PLPP1: variants seen among roughly 807,000 people sequenced by gnomAD.
PLPP1 encodes lipid phosphate phosphohydrolase 1a.
Under a neutral mutation model 31.2 loss-of-function variants are expected in PLPP1, and 24 were observed. The observed-to-expected ratio is 0.77, with a 90% CI of 0.56 to 1.08. The LOEUF is 1.08. Among genes scored for constraint, PLPP1 ranks in the 50% least tolerant of loss-of-function variants. The probability of loss-of-function intolerance (pLI) is 0.00; values close to 1 mark genes in which losing one functional copy is unlikely to be tolerated. For missense variants in PLPP1, 319 were observed against 342.7 expected (o/e 0.93, Z 0.55); for synonymous variants, 146 against 126.3 (o/e 1.16, Z -1.05).
At chr5:55,433,644 C>A (rs905479573) in intron 4 of PLPP1, among the ~76,000 whole-genome samples, 3 of 149,072 alleles carry the variant, frequency 2.0e-5, no homozygotes, top group Non-Finnish European at 4.5e-5. Flanking sequence ...GGAGTACAGG[C>A]GCGTGCCACC....
Position 55,441,905 on chromosome 5 carries a change from C to T in PLPP1, c.495G>A (p.Leu165=). 1.2e-6 allele frequency: 2 copies of T among 1,613,360 alleles called. No homozygotes were observed. The highest frequency in any genetic ancestry group is 1.7e-5 in the Admixed American group (1 of 60,014). The change falls in exon 4 of 6, where the codon TTG becomes TTA. Residue 165 remains leucine (L), a synonymous_variant. Coordinates refer to ENST00000307259, the MANE Select transcript of PLPP1 (RefSeq NM_003711.4). ...GNAERVKEGR[L]SFYSGHSSFS... ...ACGAAGAGTGGCCTGAATAGAAGGA[C>T]AACCTGGAAGAAAAAGAAGACAAAT...
chr5:55,506,646 A>G (rs1429570413), intron 1 of PLPP1, among the ~76,000 whole-genome samples: 1 of 152,200 alleles, frequency 6.6e-6, no homozygotes, highest in Non-Finnish European at 1.5e-5. Context: ...TTTTTTACCA[A>G]AAAGGTAATA....
chr5:55,468,129 C>A lies in PLPP1; in HGVS notation c.231G>T (p.Leu77=), dbSNP rs745874787. The part of the protein sequence containing the change: ...SIIVIILGET[L]SVYCNLLHSN... ...AGTGCAAAAGGTTACAGTAAACAGA[C>A]AGGGTTTCTCCAAGAATAATCTGAA... The change falls in exon 3 of 6, where the codon CTG becomes CTT. Residue 77 remains leucine (L), a synonymous_variant. Coordinates refer to ENST00000307259, the MANE Select transcript of PLPP1 (RefSeq NM_003711.4). 2 of 1,598,400 alleles carry A rather than the reference C, an allele frequency of 1.3e-6. No individual in the cohort carries two copies. Among genetic ancestry groups the A allele is most frequent in the South Asian group, 2.3e-5 (2 of 88,784 alleles).
intron 1 of PLPP1, among the ~76,000 whole-genome samples, chr5:55,525,458 TTCATAGCTTATAAGGAACAAGTCA>T (rs2111947770): frequency 6.6e-6 from 1 of 152,318 alleles, no homozygotes; most frequent in African/African-American, 2.4e-5. Context: ...AGACTAGTTT[TTCATAGCTTATAAGGAACAAGTCA>T]TTCCCAATTT....
intron 1 of PLPP1, among the ~76,000 whole-genome samples, chr5:55,503,130 C>G (rs1248910926): frequency 1.3e-5 from 2 of 152,208 alleles, no homozygotes; most frequent in Admixed American, 6.5e-5. Flanking sequence ...CTGCAGCTAC[C>G]AACTGCTTCC....
intron 3 of PLPP1, among the ~76,000 whole-genome samples, chr5:55,442,390 A>AT (rs1751640552): frequency 6.6e-6 from 1 of 152,194 alleles, no homozygotes; most frequent in Admixed American, 6.5e-5. Context: ...GCAGTGGCTC[A>AT]GTCCTGTAAT....
Position 55,474,786 on chromosome 5 carries a change from A to G in PLPP1, c.210+513T>C, listed in dbSNP as rs187931213. Among the ~76,000 whole-genome samples the G allele has an allele frequency of 5.3e-5, 8 of 152,352 alleles. No homozygotes were observed. In the East Asian group the frequency reaches 1.3e-3, roughly 26 times the overall value. The stretch of plus-strand genomic sequence containing the variant: ...TTATAAAATGATATCCTATGTATAA[A>G]GTATGCTAGAATCATATTGCTATAA... On this transcript the variant is annotated intron_variant, in intron 2 of 5. Coordinates refer to ENST00000307259, the MANE Select transcript of PLPP1 (RefSeq NM_003711.4).
At chr5:55,468,567 C>T (rs1242036545) in intron 2 of PLPP1, among the ~76,000 whole-genome samples, 1 of 151,906 alleles carries the variant, frequency 6.6e-6, no homozygotes, top group Non-Finnish European at 1.5e-5. Context: ...TTTGGGAGCC[C>T]GAGGGAGGTG....
intron 2 of PLPP1, among the ~76,000 whole-genome samples, chr5:55,472,121 A>G (rs1171178157): frequency 1.3e-5 from 2 of 152,166 alleles, no homozygotes; most frequent in East Asian, 1.9e-4. Context: ...AGACTCTGTC[A>G]ATCAATTAAT....
intron 3 of PLPP1, among the ~76,000 whole-genome samples, chr5:55,443,648 CA>C (rs1751685629): frequency 6.6e-6 from 1 of 152,170 alleles, no homozygotes; most frequent in African/African-American, 2.4e-5. Flanking sequence ...TCATGAACTG[CA>C]AACTAATTTA....
intron 1 of PLPP1, among the ~76,000 whole-genome samples, chr5:55,517,893 G>A (rs1444412651): frequency 6.6e-6 from 1 of 152,184 alleles, no homozygotes; most frequent in African/African-American, 2.4e-5. Flanking sequence ...AGCTGCCCAG[G>A]CTGGAGTGCA....
At chr5:55,515,729 C>A (rs1455452249) in intron 1 of PLPP1, among the ~76,000 whole-genome samples, 1 of 152,152 alleles carries the variant, frequency 6.6e-6, no homozygotes, top group Non-Finnish European at 1.5e-5. Context: ...AATTGCTTCT[C>A]AGTCTTGGTG....
intron 4 of PLPP1, among the ~76,000 whole-genome samples, chr5:55,428,888 A>G (rs1185270818): frequency 6.6e-6 from 1 of 152,188 alleles, no homozygotes; most frequent in Non-Finnish European, 1.5e-5. Context: ...TGTATGTCCA[A>G]TACAGTGTGT....
At chr5:55,462,264 A>G (rs1348088990) in intron 3 of PLPP1, among the ~76,000 whole-genome samples, 1 of 152,254 alleles carries the variant, frequency 6.6e-6, no homozygotes, top group Admixed American at 6.5e-5. Flanking sequence ...ACTATTACAA[A>G]GCTGCAGTAT....
intron 4 of PLPP1, among the ~76,000 whole-genome samples, chr5:55,435,507 G>A (rs1329545705): frequency 6.6e-6 from 1 of 152,158 alleles, no homozygotes; most frequent in African/African-American, 2.4e-5. Context: ...ACTATTTCTA[G>A]TATTTATAGT....
intron 4 of PLPP1, among the ~76,000 whole-genome samples, chr5:55,435,623 C>G (rs1473967463): frequency 2.0e-5 from 3 of 152,126 alleles, no homozygotes; most frequent in African/African-American, 7.2e-5. Context: ...CTGTAACGTA[C>G]AGGAACACAA....
At chr5:55,512,564 G>C (rs1753456171) in intron 1 of PLPP1, among the ~76,000 whole-genome samples, 1 of 140,542 alleles carries the variant, frequency 7.1e-6, no homozygotes, top group Non-Finnish European at 1.6e-5. Context: ...AAGAAAGAAA[G>C]AAAGAAAGAA....
intron 4 of PLPP1, among the ~76,000 whole-genome samples, chr5:55,429,621 A>C (rs1267726177): frequency 6.6e-6 from 1 of 152,104 alleles, no homozygotes; most frequent in African/African-American, 2.4e-5. Flanking sequence ...AGTCCTAAGC[A>C]GCTACAGCAG....
chr5:55,430,306 A>T lies in PLPP1; in HGVS notation c.550-4267T>A, dbSNP rs1160861402. ...AGAATCAGCCCACCTGGACCCTCTA[A>T]CATCAGTGCCAGCATACACTGCCCC... On this transcript the variant is annotated intron_variant, in intron 4 of 5. Coordinates refer to ENST00000307259, the MANE Select transcript of PLPP1 (RefSeq NM_003711.4). 2.0e-5 allele frequency among the ~76,000 whole-genome samples: 3 copies of T among 152,264 alleles called. No individual in the cohort carries two copies. The East Asian group carries it at 5.8e-4, about 29-fold the overall frequency.
Sources: allele counts gnomAD v4.1 joint callset (sites outside exome capture counted in the v4.1 genomes callset), GRCh38; gene constraint gnomAD v4.1.1; transcripts MANE v1.5; gene names NCBI Gene and HGNC (gene_info 2026-07-23, HGNC 2026-07-21).